The following RTTN variants were observed in gnomAD, a reference collection of about 807,000 sequenced individuals.
RTTN encodes the protein rotatin.
Under a neutral mutation model 269.2 loss-of-function variants are expected in RTTN, and 182 were observed. The observed-to-expected ratio is 0.68, with a 90% CI of 0.60 to 0.76. RTTN has a LOEUF of 0.76. Ranked by LOEUF, RTTN falls within the 30% of genes least tolerant of loss-of-function variation. The probability of loss-of-function intolerance (pLI) is 0.00; values close to 1 mark genes in which losing one functional copy is unlikely to be tolerated. For missense variants in RTTN, 2,545 were observed against 2,608.6 expected, an observed-to-expected ratio of 0.98 and a Z score of 0.53; for synonymous variants, 1,006 against 963.5, an observed-to-expected ratio of 1.04 and a Z score of -0.82.
rs186667559 is a variant in RTTN at position 70,038,246 on chromosome 18, T to A, written c.5542-7265A>T. ...GCTTTGTCACCTACTGATTATGAAG[T>A]CCTAGGGCCTTGAGTGAACACAGGT... On this transcript the variant is annotated intron_variant, in intron 40 of 48. Coordinates refer to ENST00000640769, the MANE Select transcript of RTTN (RefSeq NM_173630.4). 3.3e-3 allele frequency among the ~76,000 whole-genome samples: 508 copies of A among 152,216 alleles called. 11 individuals are homozygous for A. The highest frequency in any genetic ancestry group is 0.028 in the Admixed American group (423 of 15,282).
rs1037698502 is a variant in RTTN, at chr18:70,109,436, T to A, written c.3903+62A>T. The A allele has an allele frequency of 4.9e-6, 6 of 1,218,352 alleles. No homozygotes were observed. In the African/African-American group the frequency reaches 8.9e-5, roughly 18 times the overall value. 75.5% of individuals were successfully genotyped at this position (1,218,352 alleles called of 1,614,324 possible). Reference sequence around the variant, plus strand: ...AATAGAGTAACGTATAATGCACTTGTGGCCTGGCATAAAGTAAAAGCAACT... The same window carrying A: ...AATAGAGTAACGTATAATGCACTTGAGGCCTGGCATAAAGTAAAAGCAACT... On this transcript the variant is annotated intron_variant, in intron 28 of 48. Coordinates refer to ENST00000640769, the MANE Select transcript of RTTN (RefSeq NM_173630.4).
chr18:70,162,037 T>C (rs1455007748), intron 14 of RTTN, among the ~76,000 whole-genome samples: 1 of 152,136 alleles, frequency 6.6e-6, no homozygotes, highest in Non-Finnish European at 1.5e-5. Flanking sequence ...TAAATCTTTC[T>C]ACCAGAAAGA....
At chr18:70,192,572 T>A (rs575988430) in intron 8 of RTTN, among the ~76,000 whole-genome samples, 3 of 149,584 alleles carry the variant, frequency 2.0e-5, no homozygotes, top group Non-Finnish European at 4.4e-5. Context: ...TCCCAGCCAC[T>A]CAGGAGGCTG....
intron 34 of RTTN, among the ~76,000 whole-genome samples, chr18:70,067,219 G>A (rs920617899): frequency 6.6e-5 from 10 of 151,390 alleles, no homozygotes; most frequent in South Asian, 4.2e-4. Flanking sequence ...GAGTGCAGTG[G>A]CACGATCTCG....
intron 46 of RTTN, among the ~76,000 whole-genome samples, chr18:70,014,571 C>T (rs1048966711): frequency 7.9e-5 from 12 of 152,140 alleles, no homozygotes; most frequent in African/African-American, 2.9e-4. Flanking sequence ...GCTAAGTACC[C>T]ACAGGCACCA....
intron 13 of RTTN, 162 bp downstream of exon 13, chr18:70,166,757 C>A (rs1271013739): frequency 3.8e-6 from 2 of 520,234 alleles, no homozygotes; most frequent in African/African-American, 2.0e-5. Flanking sequence ...TATCCTAATG[C>A]AGCTGTACAT....
At chr18:70,197,392 G>C (rs371348711) in intron 6 of RTTN, among the ~76,000 whole-genome samples, 4 of 152,160 alleles carry the variant, frequency 2.6e-5, no homozygotes, top group African/African-American at 9.7e-5. Flanking sequence ...ATCCATAAAT[G>C]GTAACTCAAG....
rs2056093062 is a variant in RTTN at position 70,003,448 on chromosome 18, C to A, written c.*703G>T. On this transcript the variant is annotated 3_prime_UTR_variant, in exon 49 of 49. Transcript: ENST00000640769. ...CTCTATTTCTTTCTTCTTTATTACA[C>A]AGCCTTGCAGAAGACAACGGTGAAG... The A allele has an allele frequency of 6.6e-6, 1 of 152,188 alleles. No individual in the cohort carries two copies. Among genetic ancestry groups the A allele is most frequent in the African/African-American group, 2.4e-5 (1 of 41,434 alleles). 9.4% of individuals were successfully genotyped at this position (152,188 alleles called of 1,614,324 possible).
chr18:70,122,062 G>A (rs1014010754), intron 25 of RTTN, among the ~76,000 whole-genome samples: 7 of 152,066 alleles, frequency 4.6e-5, no homozygotes, highest in Non-Finnish European at 7.4e-5. Context: ...TTTCACTGAT[G>A]AGAAGAATTA....
rs2056099979 is a variant in RTTN, at chr18:70,003,862, A to G, written c.*289T>C. ...AACTGTTAAATAGGATTTTTACAAAATAAATGGCATAGAAAAGGGTAAAAA... is the reference window on the plus strand; with the variant it reads ...AACTGTTAAATAGGATTTTTACAAAGTAAATGGCATAGAAAAGGGTAAAAA... On this transcript the variant is annotated 3_prime_UTR_variant, in exon 49 of 49. Coordinates refer to ENST00000640769, the MANE Select transcript of RTTN (RefSeq NM_173630.4). The G allele has an allele frequency of 4.3e-6, 1 of 232,150 alleles. No homozygotes were observed. Among genetic ancestry groups the G allele is most frequent in the East Asian group, 8.5e-5 (1 of 11,704 alleles). 14.4% of individuals were successfully genotyped at this position (232,150 alleles called of 1,614,324 possible).
At chr18:70,057,712 C>CA in intron 37 of RTTN, 30 bp downstream of exon 37, 1 of 1,581,408 alleles carries the variant, frequency 6.3e-7, no homozygotes, top group Non-Finnish European at 8.7e-7. Context: ...CTAACGTAAA[C>CA]AAACCCACAA....
At chr18:70,127,428 T>C in intron 25 of RTTN, 74 bp downstream of exon 25, 1 of 1,530,668 alleles carries the variant, frequency 6.5e-7, no homozygotes, top group Non-Finnish European at 8.9e-7. Context: ...ACTCTTATCT[T>C]CAAAGGTTAG....
At position 70,049,958 on chromosome 18, in the gene RTTN, C is replaced by A. The variant is rs564440326; in HGVS notation, c.5323+1453G>T. On this transcript the variant is annotated intron_variant, in intron 39 of 48. Transcript: ENST00000640769. ...TTATATATGAAGATGTATCCACATA[C>A]AATGTACATATGTCAGAAAGGATAC... Among the ~76,000 whole-genome samples the A allele has an allele frequency of 2.6e-5, 4 of 152,246 alleles. No individual in the cohort carries two copies. The East Asian group carries it at 7.7e-4, about 29-fold the overall frequency.
chr18:70,076,654 A>G (rs1479048106), intron 32 of RTTN, among the ~76,000 whole-genome samples: 1 of 152,030 alleles, frequency 6.6e-6, no homozygotes, highest in Non-Finnish European at 1.5e-5. Flanking sequence ...ATCTACCAAC[A>G]CTGTGAGCTT....
intron 30 of RTTN, among the ~76,000 whole-genome samples, chr18:70,089,691 T>C (rs2058792248): frequency 6.6e-6 from 1 of 152,196 alleles, no homozygotes; most frequent in Non-Finnish European, 1.5e-5. Flanking sequence ...AAAGGTTATT[T>C]GAGGAAAGGC....
intron 10 of RTTN, among the ~76,000 whole-genome samples, chr18:70,186,513 G>A (rs1392446916): frequency 2.0e-5 from 3 of 152,046 alleles, no homozygotes; most frequent in Non-Finnish European, 4.4e-5. Flanking sequence ...TAGCACTTTC[G>A]GAGACCAAGG....
intron 26 of RTTN, among the ~76,000 whole-genome samples, chr18:70,117,367 A>G (rs1171554814): frequency 6.6e-6 from 1 of 152,094 alleles, no homozygotes; most frequent in Non-Finnish European, 1.5e-5. Context: ...GGTTCCCTTT[A>G]TCCTAAACAT....
At chr18:70,005,509 C>T (rs942402968) in intron 47 of RTTN, 3 of 372,584 alleles carry the variant, frequency 8.1e-6, no homozygotes, top group African/African-American at 4.2e-5. Flanking sequence ...TCTTTCTTCC[C>T]TTCTCTTTTA....
intron 42 of RTTN, among the ~76,000 whole-genome samples, chr18:70,029,737 A>G (rs2056957960): frequency 6.6e-6 from 1 of 152,160 alleles, no homozygotes; most frequent in African/African-American, 2.4e-5. Flanking sequence ...TTGTAGTATA[A>G]AAAATTTATC....
Sources: gnomAD v4.1 joint callset for allele counts (sites outside exome capture counted in the v4.1 genomes callset) on GRCh38, gnomAD v4.1.1 for gene constraint, MANE v1.5 for transcripts, NCBI Gene and HGNC (gene_info 2026-07-23, HGNC 2026-07-21) for gene names.